The following CSMD1 variants were observed in gnomAD, a reference collection of about 807,000 sequenced individuals.
The protein encoded by CSMD1 is CUB and sushi domain-containing protein 1.
In CSMD1, 213 loss-of-function variants were observed where a neutral mutation model predicts 417.5. The ratio of observed to expected loss-of-function variants is 0.51; its 90% CI spans 0.46 to 0.57. The LOEUF is 0.57. CSMD1 is among the 20% of genes least tolerant of loss of function. CSMD1 has a pLI of 0.00. For missense variants in CSMD1, 6,923 were observed against 4,529.7 expected (o/e 1.53, Z -15.17); for synonymous variants, 2,862 against 1,736.8 (o/e 1.65, Z -16.11).
At chr8:3,853,760 C>G (rs946783593) in intron 5 of CSMD1, among the ~76,000 whole-genome samples, 1 of 151,508 alleles carries the variant, frequency 6.6e-6, no homozygotes, top group Admixed American at 6.6e-5. Context: ...AGGAGATATA[C>G]CTAATGCTAA....
chr8:3,248,760 T>G (rs1800063047), intron 26 of CSMD1, among the ~76,000 whole-genome samples: 1 of 152,130 alleles, frequency 6.6e-6, no homozygotes, highest in Non-Finnish European at 1.5e-5. Context: ...TCTCTGGGCC[T>G]TTTGCAAACG....
At chr8:4,129,522 T>C (rs993631509) in intron 3 of CSMD1, among the ~76,000 whole-genome samples, 2 of 152,182 alleles carry the variant, frequency 1.3e-5, no homozygotes, top group South Asian at 2.1e-4. Flanking sequence ...TGCCAGGGCA[T>C]AGGAATCCGA....
intron 50 of CSMD1, among the ~76,000 whole-genome samples, chr8:3,031,960 G>T (rs1810368837): frequency 7.7e-6 from 1 of 129,722 alleles, no homozygotes; most frequent in African/African-American, 3.3e-5. Flanking sequence ...GACACTATAT[G>T]TGTGTATGTG....
At chr8:4,238,420 G>C (rs1401479) in intron 3 of CSMD1, among the ~76,000 whole-genome samples, 152 of 152,240 alleles carry the variant, frequency 1.0e-3, no homozygotes, top group Non-Finnish European at 1.6e-3. Flanking sequence ...ATACCCTAGA[G>C]TCACAAATCA....
At chr8:3,995,117 T>A (rs549479162) in intron 5 of CSMD1, among the ~76,000 whole-genome samples, 21 of 152,326 alleles carry the variant, frequency 1.4e-4, no homozygotes, top group South Asian at 1.0e-3. Flanking sequence ...ACTGTAGAAT[T>A]ACTGTAAAAT....
At chr8:4,400,198 G>T (rs1334884766) in intron 3 of CSMD1, among the ~76,000 whole-genome samples, 2 of 152,188 alleles carry the variant, frequency 1.3e-5, no homozygotes, top group Non-Finnish European at 2.9e-5. Flanking sequence ...CATAGAGAAA[G>T]CAGCTTGAAG....
At chr8:4,863,269 A>T (rs1802239213) in intron 1 of CSMD1, among the ~76,000 whole-genome samples, 1 of 152,098 alleles carries the variant, frequency 6.6e-6, no homozygotes, top group Admixed American at 6.5e-5. Flanking sequence ...ATACATATAC[A>T]AATTTTTAGA....
intron 5 of CSMD1, among the ~76,000 whole-genome samples, chr8:3,834,463 T>G (rs1802560631): frequency 6.6e-6 from 1 of 152,178 alleles, no homozygotes; most frequent in African/African-American, 2.4e-5. Context: ...CAGGCAGTGC[T>G]CCATGTGTGT....
chr8:4,343,608 C>T (rs1313164067), intron 3 of CSMD1, among the ~76,000 whole-genome samples: 1 of 152,058 alleles, frequency 6.6e-6, no homozygotes, highest in Non-Finnish European at 1.5e-5. Context: ...TAGAAACTAA[C>T]CCAAAAAGCA....
chr8:3,395,358 G>A (rs1350110420), intron 17 of CSMD1, among the ~76,000 whole-genome samples: 2 of 152,148 alleles, frequency 1.3e-5, no homozygotes, highest in African/African-American at 4.8e-5. Context: ...TTCAAACAGA[G>A]AAAAGAATAA....
intron 3 of CSMD1, among the ~76,000 whole-genome samples, chr8:4,056,603 T>G (rs1173818642): frequency 6.6e-6 from 1 of 151,920 alleles, no homozygotes; most frequent in Non-Finnish European, 1.5e-5. Context: ...GTTACCTATG[T>G]ATACATGTGC....
intron 3 of CSMD1, among the ~76,000 whole-genome samples, chr8:4,236,583 G>A (rs994831501): frequency 1.3e-5 from 2 of 152,144 alleles, no homozygotes; most frequent in South Asian, 4.1e-4. Context: ...AATACTAAAT[G>A]AGCTGACAAA....
chr8:3,380,387 G>A (rs1349475786), intron 18 of CSMD1, among the ~76,000 whole-genome samples: 1 of 152,122 alleles, frequency 6.6e-6, no homozygotes. Flanking sequence ...TCCCATTACT[G>A]GGTATGTACC....
At chr8:2,993,569 T>G (rs1011023903) in intron 54 of CSMD1, among the ~76,000 whole-genome samples, 12 of 152,172 alleles carry the variant, frequency 7.9e-5, no homozygotes, top group African/African-American at 2.7e-4. Flanking sequence ...TTGAGAAGGA[T>G]CCATCTTTTT....
intron 2 of CSMD1, among the ~76,000 whole-genome samples, chr8:4,438,931 T>G (rs866469714): frequency 1.3e-5 from 2 of 152,224 alleles, no homozygotes; most frequent in Non-Finnish European, 2.9e-5. Context: ...CAATATATGG[T>G]GTAGGATTCC....
At chr8:4,269,164 G>A (rs570848539) in intron 3 of CSMD1, among the ~76,000 whole-genome samples, 1 of 151,978 alleles carries the variant, frequency 6.6e-6, no homozygotes, top group African/African-American at 2.4e-5. Flanking sequence ...TTAAACCATG[G>A]TCCTGCCTCA....
intron 7 of CSMD1, among the ~76,000 whole-genome samples, chr8:3,635,895 T>C (rs1198581809): frequency 6.6e-6 from 1 of 151,982 alleles, no homozygotes; most frequent in African/African-American, 2.4e-5. Flanking sequence ...TTTTCTTCAG[T>C]AATAAATTAG....
intron 3 of CSMD1, among the ~76,000 whole-genome samples, chr8:4,193,580 C>G (rs944793370): frequency 6.6e-6 from 1 of 151,988 alleles, no homozygotes; most frequent in African/African-American, 2.4e-5. Context: ...ATGAAAGAGG[C>G]AGAGGATGAG....
At chr8:4,977,155 G>C (rs1810607855) in intron 1 of CSMD1, among the ~76,000 whole-genome samples, 1 of 152,074 alleles carries the variant, frequency 6.6e-6, no homozygotes, top group African/African-American at 2.4e-5. Context: ...ATGATCATTT[G>C]TTTTGAACTT....
Sources: gnomAD v4.1 joint callset for allele counts (sites outside exome capture counted in the v4.1 genomes callset) on GRCh38, gnomAD v4.1.1 for gene constraint, MANE v1.5 for transcripts, NCBI Gene and HGNC (gene_info 2026-07-23, HGNC 2026-07-21) for gene names.